KIAA1210: variants seen among roughly 807,000 people sequenced by gnomAD.
KIAA1210 encodes the protein KIAA1210, also known as acrosomal protein KIAA1210.
Under a neutral mutation model 78.9 loss-of-function variants are expected in KIAA1210, and 48 were observed. That is an observed-to-expected ratio of 0.61 (90% confidence interval 0.48 to 0.77). The LOEUF (loss-of-function observed/expected upper bound fraction) is 0.77. Ranked by LOEUF, KIAA1210 falls within the 30% of genes least tolerant of loss-of-function variation. The pLI is 0.00. For synonymous variants in KIAA1210, 406 were observed against 404.5 expected, an observed-to-expected ratio of 1.00 and a Z score of -0.04; for missense variants, 1,108 against 1,100.0, an observed-to-expected ratio of 1.01 and a Z score of -0.10.
chrX:119,109,258 A>G, intron 3 of KIAA1210, 56 bp from the exon 4 acceptor site: 1 of 1,087,609 alleles, frequency 9.2e-7, no homozygotes, highest in Non-Finnish European at 1.2e-6. Context: ...GGAACTGAAG[A>G]CAAATGTATA....
At position 119,088,677 on chromosome X, in the gene KIAA1210, T is replaced by C; in HGVS notation, c.2025A>G (p.Thr675=). ...LEEPEDAEVF[T]ESSSYVEKYN... ...ACTTTTCAACATAACTGCTTGATTCTGTGAAGACTTCTGCATCTTCAGGCT... is the reference window on the plus strand; with the variant it reads ...ACTTTTCAACATAACTGCTTGATTCCGTGAAGACTTCTGCATCTTCAGGCT... Residue 675 remains threonine (T), a synonymous_variant, in exon 9 of 12, where the codon ACA becomes ACG. Transcript: ENST00000691062. 8.3e-7 allele frequency: 1 copy of C among 1,210,985 alleles called. No individual in the cohort carries two copies. The highest frequency in any genetic ancestry group is 1.1e-6 in the Non-Finnish European group (1 of 895,087).
Position 119,116,569 on chromosome X carries a change from G to C in KIAA1210, c.157C>G (p.Leu53Val). 8.3e-7 allele frequency: 1 copy of C among 1,210,938 alleles called. No individual in the cohort carries two copies. Among genetic ancestry groups the C allele is most frequent in the Non-Finnish European group, 1.1e-6 (1 of 894,694 alleles). ...TTAATGTTGCTGCTGGACAAGCTCA[G>C]TTCTAGCATTTCTTCTTCCTGGGTA... ...EDTQEEEMLE[L>V]SLSSSNINIS... Residue 53 changes from leucine to valine, a missense_variant, in exon 3 of 12, where the codon CTG becomes GTG. By Grantham distance (32) the Leu-to-Val change is conservative. Transcript: ENST00000691062.
intron 5 of KIAA1210, among the ~76,000 whole-genome samples, chrX:119,107,725 A>G (rs41422745): frequency 0.014 from 1,613 of 111,921 alleles, 30 homozygotes; most frequent in African/African-American, 0.049. Flanking sequence ...ATGGAAAATA[A>G]TCATCTCTCC....
chrX:119,126,046 G>T (rs997185931), intron 1 of KIAA1210, among the ~76,000 whole-genome samples: 1 of 107,790 alleles, frequency 9.3e-6, no homozygotes, highest in Non-Finnish European at 1.9e-5. Context: ...GTAACTGAAT[G>T]AACTATTGTA....
At chrX:119,119,975 CAAA>C (rs11342308) in intron 2 of KIAA1210, among the ~76,000 whole-genome samples, 4,040 of 35,655 alleles carry the variant, frequency 0.11, 224 homozygotes, top group African/African-American at 0.26. Flanking sequence ...GACTCCATCT[CAAA>C]AAAAAAAAAA....
At chrX:119,092,759 T>A (rs867316206) in intron 8 of KIAA1210, among the ~76,000 whole-genome samples, 15 of 85,325 alleles carry the variant, frequency 1.8e-4, no homozygotes, top group South Asian at 6.5e-4. Flanking sequence ...AGACTCCGTC[T>A]TAAATAAATA....
At chrX:119,118,564 A>C (rs1300565359) in intron 2 of KIAA1210, among the ~76,000 whole-genome samples, 1 of 112,308 alleles carries the variant, frequency 8.9e-6, no homozygotes, top group Non-Finnish European at 1.9e-5. Context: ...ACTTTGAGAA[A>C]TGCTGAACTA....
intron 10 of KIAA1210, among the ~76,000 whole-genome samples, chrX:119,084,131 G>T (rs1014588382): frequency 8.3e-5 from 9 of 108,136 alleles, no homozygotes; most frequent in Admixed American, 2.0e-4. Flanking sequence ...ACACCTCCTC[G>T]CACAGTCCTT....
chrX:119,139,958 G>A (rs943725345), intron 2 of KIAA1210, among the ~76,000 whole-genome samples: 1 of 111,679 alleles, frequency 9.0e-6, no homozygotes, highest in East Asian at 2.8e-4. Flanking sequence ...TGGAGCCTCC[G>A]TTTACTCCCC....
In KIAA1210 at chrX:119,081,134, G is replaced by T; in HGVS notation, c.*195C>A. On this transcript the variant is annotated 3_prime_UTR_variant, in exon 12 of 12. Transcript: ENST00000691062. ...AAAACAAAATTAGCCGGGCGTGATG[G>T]CGGGCGCCTGTAGTCCCAGCTAGTC... is the stretch of plus-strand genomic sequence containing the variant. 2 of 299,848 alleles carry T rather than the reference G, an allele frequency of 6.7e-6. No individual in the cohort carries two copies. Among genetic ancestry groups the T allele is most frequent in the Admixed American group, 5.8e-5 (1 of 17,108 alleles). 24.7% of individuals were successfully genotyped at this position (299,848 alleles called of 1,213,427 possible).
intron 6 of KIAA1210, among the ~76,000 whole-genome samples, chrX:119,097,519 T>C (rs1022688494): frequency 9.8e-5 from 11 of 112,165 alleles, no homozygotes; most frequent in African/African-American, 3.6e-4. Flanking sequence ...CTCTGCTAGA[T>C]ACTAGTAGCA....
Position 119,089,368 on chromosome X carries a change from T to C in KIAA1210, c.1334A>G (p.Asn445Ser), listed in dbSNP as rs1569313076. ...TCTGGATCCGAAATCTATGCCAGCA[T>C]TTCTCCTTCCCATGTCATCTTTATC... is the stretch of plus-strand genomic sequence containing the variant. Reference protein sequence around the residue: ...LSDKDDMGRRNAGIDFGSRKA... With the variant: ...LSDKDDMGRRSAGIDFGSRKA... Residue 445 changes from asparagine to serine, a missense_variant, in exon 9 of 12, where the codon AAT becomes AGT. Asn to Ser is a conservative substitution (Grantham distance 46). This residue lies in a region of KIAA1210 where 672 missense variants were observed against 607.1 expected (regional missense o/e 1.11). Coordinates refer to ENST00000691062, the MANE Select transcript of KIAA1210 (RefSeq NM_001394962.1). The C allele has an allele frequency of 3.3e-6, 4 of 1,210,088 alleles. No individual in the cohort carries two copies. The highest frequency in any genetic ancestry group is 1.8e-5 in the South Asian group (1 of 56,712).
Position 119,089,582 on chromosome X carries a change from A to G in KIAA1210, c.1120T>C (p.Cys374Arg). The change falls in exon 9 of 12, where the codon TGT becomes CGT. Residue 374 changes from cysteine (C) to arginine (R), a missense_variant. Transcript: ENST00000691062. Reference protein sequence around the residue: ...KGASVSGLSGCEFKGRSLKQS... With the variant: ...KGASVSGLSGREFKGRSLKQS... Reference sequence around the variant, plus strand: ...TTAAGGCTTCTTCCTTTGAATTCACACCCACTCAATCCTGAAACACTTGCT... The same window carrying G: ...TTAAGGCTTCTTCCTTTGAATTCACGCCCACTCAATCCTGAAACACTTGCT... 2 of 1,211,185 alleles carry G rather than the reference A, an allele frequency of 1.7e-6. No individual in the cohort carries two copies. The highest frequency in any genetic ancestry group is 2.2e-6 in the Non-Finnish European group (2 of 895,284).
chrX:119,086,510 A>G lies in KIAA1210; in HGVS notation c.4156+36T>C, dbSNP rs752932379. Reference sequence around the variant, plus strand: ...TTTGCTTTCCAGTTGTTTCCACTTGATATCTGCTTGCCATCTGGAGAGATA... The same window carrying G: ...TTTGCTTTCCAGTTGTTTCCACTTGGTATCTGCTTGCCATCTGGAGAGATA... On this transcript the variant is annotated intron_variant, in intron 9 of 11. Coordinates refer to ENST00000691062, the MANE Select transcript of KIAA1210 (RefSeq NM_001394962.1). 3.6e-6 allele frequency: 4 copies of G among 1,123,584 alleles called. No individual in the cohort carries two copies. In the South Asian group the frequency reaches 8.4e-5, roughly 23 times the overall value. The allele number at this position is 1,123,584 out of a possible 1,213,427, so 92.6% of individuals were successfully genotyped here. A position where few individuals can be genotyped will look rare whatever the true frequency, so the allele number is the denominator to read the frequency against.
At position 119,088,583 on chromosome X, in the gene KIAA1210, C is replaced by T. The variant is rs769809029; in HGVS notation, c.2119G>A (p.Gly707Arg). ...ACTTCTTGTTGGTTTTTGGGCTTTC[C>T]CAAGGCCTGAGCAGGGTGTCTGAGA... ...LPLRHPAQAL[G>R]KPKNQQEVSS... The change falls in exon 9 of 12, where the codon GGA becomes AGA. Residue 707 changes from glycine (G) to arginine (R), a missense_variant. Coordinates refer to ENST00000691062, the MANE Select transcript of KIAA1210 (RefSeq NM_001394962.1). The T allele has an allele frequency of 1.1e-5, 13 of 1,211,132 alleles. No homozygotes were observed. Among genetic ancestry groups the T allele is most frequent in the Non-Finnish European group, 8.9e-6 (8 of 895,243 alleles).
chrX:119,083,110 G>A lies in KIAA1210; in HGVS notation c.4331C>T (p.Ser1444Phe). 1 of 1,196,525 alleles carries A rather than the reference G, an allele frequency of 8.4e-7. No individual in the cohort carries two copies. The highest frequency in any genetic ancestry group is 1.1e-6 in the Non-Finnish European group (1 of 886,123). Residue 1444 changes from serine to phenylalanine, a missense_variant, in exon 11 of 12, where the codon TCT (serine) becomes TTT (phenylalanine). Physicochemically the swap from Ser to Phe is radical, Grantham distance 155. This residue lies in a region of KIAA1210 where 245 missense variants were observed against 278.8 expected (regional missense o/e 0.88). Coordinates refer to ENST00000691062, the MANE Select transcript of KIAA1210 (RefSeq NM_001394962.1). The part of the protein sequence containing the change: ...TKEPKYEGAG[S>F]ANENQPKKMF... ...CTTTTTAGGTTGGTTTTCATTTGCA[G>A]AGCCAGCTCCCTTTAATACAAAAAT...
chrX:119,088,704 C>T lies in KIAA1210; in HGVS notation c.1998G>A (p.Glu666=). ...TGAAGACTTCTGCATCTTCAGGCTC[C>T]TCTAAAGCCTGGGAGAGGCATCTGA... The part of the protein sequence containing the change: ...LDLRCLSQAL[E]EPEDAEVFTE... The change falls in exon 9 of 12, where the codon GAG becomes GAA. Residue 666 remains glutamate, a synonymous_variant. Transcript: ENST00000691062. 8.3e-7 allele frequency: 1 copy of T among 1,210,164 alleles called. No homozygotes were observed. The highest frequency in any genetic ancestry group is 1.1e-6 in the Non-Finnish European group (1 of 894,684).
upstream of KIAA1210, among the ~76,000 whole-genome samples, chrX:119,151,024 A>G (rs1312185131): frequency 8.9e-6 from 1 of 112,543 alleles, no homozygotes; most frequent in Non-Finnish European, 1.9e-5. Context: ...GCTGGGGTGC[A>G]TGGGAGCCCG....
intron 3 of KIAA1210, among the ~76,000 whole-genome samples, chrX:119,115,134 C>T (rs1426712047): frequency 9.0e-6 from 1 of 111,428 alleles, no homozygotes; most frequent in Admixed American, 9.5e-5. Flanking sequence ...TCCAGGGTTT[C>T]TTCCCCTAGC....
Sources: gnomAD v4.1 joint callset for allele counts (sites outside exome capture counted in the v4.1 genomes callset) on GRCh38, gnomAD v4.1.1 for gene constraint, gnomAD v4.1.1 regional missense constraint, MANE v1.5 for transcripts, NCBI Gene and HGNC (gene_info 2026-07-23, HGNC 2026-07-21) for gene names.